SMOC2: variants seen among roughly 807,000 people sequenced by gnomAD.
The protein encoded by SMOC2 is SPARC related modular calcium binding 2, also known as SPARC-related modular calcium-binding protein 2.
Under a neutral mutation model 61.4 loss-of-function variants are expected in SMOC2, and 39 were observed. That is an observed-to-expected ratio of 0.64 (90% confidence interval 0.49 to 0.83). The LOEUF (loss-of-function observed/expected upper bound fraction) is 0.83. SMOC2 is among the 40% of genes least tolerant of loss of function. The pLI, the probability that SMOC2 is intolerant of heterozygous loss-of-function variation, is 0.00. For missense variants in SMOC2, 556 were observed against 592.9 expected, an observed-to-expected ratio of 0.94 and a Z score of 0.65; for synonymous variants, 247 against 239.9, an observed-to-expected ratio of 1.03 and a Z score of -0.27.
At chr6:168,633,348 C>A (rs907404554) in intron 9 of SMOC2, among the ~76,000 whole-genome samples, 1 of 152,138 alleles carries the variant, frequency 6.6e-6, no homozygotes, top group African/African-American at 2.4e-5. Context: ...ATCCCCAGAG[C>A]TCTATAGATG....
chr6:168,459,349 C>T (rs573367993), intron 1 of SMOC2, among the ~76,000 whole-genome samples: 5 of 152,186 alleles, frequency 3.3e-5, no homozygotes, highest in South Asian at 2.1e-4. Flanking sequence ...TCTGGGCCAT[C>T]GGCAGGAAGC....
chr6:168,542,612 C>T (rs1010390025), intron 4 of SMOC2, among the ~76,000 whole-genome samples: 4 of 151,940 alleles, frequency 2.6e-5, no homozygotes, highest in Non-Finnish European at 5.9e-5. Flanking sequence ...TCATAGGAAC[C>T]GTTGACATGT....
intron 6 of SMOC2, among the ~76,000 whole-genome samples, chr6:168,548,380 G>A (rs1223888778): frequency 2.1e-5 from 3 of 143,622 alleles, no homozygotes; most frequent in Non-Finnish European, 3.0e-5. Context: ...GTGAGACAGA[G>A]TTTTGCTTTT....
At chr6:168,450,120 C>T (rs1028943508) in intron 1 of SMOC2, among the ~76,000 whole-genome samples, 1 of 152,188 alleles carries the variant, frequency 6.6e-6, no homozygotes, top group Non-Finnish European at 1.5e-5. Flanking sequence ...GTAGCTTTTA[C>T]TGGTGAATCA....
At chr6:168,609,916 C>T (rs559602867) in intron 9 of SMOC2, among the ~76,000 whole-genome samples, 3 of 152,242 alleles carry the variant, frequency 2.0e-5, no homozygotes, top group Non-Finnish European at 4.4e-5. Context: ...AAGTCAGTTT[C>T]GCTTCTCATT....
At chr6:168,628,586 C>T (rs1786480713) in intron 9 of SMOC2, among the ~76,000 whole-genome samples, 1 of 152,222 alleles carries the variant, frequency 6.6e-6, no homozygotes, top group African/African-American at 2.4e-5. Flanking sequence ...AAACTCGCAG[C>T]ATGTATCCAA....
At position 168,598,903 on chromosome 6, in the gene SMOC2, G is replaced by A. The variant is rs35379353; in HGVS notation, c.723G>A (p.Ala241=). The stretch of plus-strand genomic sequence containing the variant: ...ACAATGTGGTGATCCCTGAGTGTGC[G>A]CACGGCGGCCTCTACAAGCCAGTGC... The part of the protein sequence containing the change: ...KNDNVVIPEC[A]HGGLYKPVQC... The change falls in exon 8 of 13, where the codon GCG becomes GCA. Residue 241 remains alanine, a synonymous_variant. Transcript: ENST00000356284. The A allele has an allele frequency of 6.4e-5, 104 of 1,613,660 alleles. No individual in the cohort carries two copies. The highest frequency in any genetic ancestry group is 1.6e-4 in the African/African-American group (12 of 74,856).
chr6:168,566,320 A>G (rs1784539963), intron 7 of SMOC2, among the ~76,000 whole-genome samples: 1 of 152,164 alleles, frequency 6.6e-6, no homozygotes, highest in Non-Finnish European at 1.5e-5. Context: ...TATACTACAT[A>G]TGAAATACAA....
intron 9 of SMOC2, among the ~76,000 whole-genome samples, chr6:168,624,193 G>A (rs1195398672): frequency 1.3e-5 from 2 of 152,156 alleles, no homozygotes; most frequent in African/African-American, 2.4e-5. Context: ...GTTCATTTAC[G>A]ACTCATGACA....
chr6:168,648,380 T>A (rs1372243233), intron 9 of SMOC2, among the ~76,000 whole-genome samples: 1 of 152,202 alleles, frequency 6.6e-6, no homozygotes, highest in Non-Finnish European at 1.5e-5. Context: ...TGCCCACGTG[T>A]TCCCGAGCCT....
At chr6:168,653,347 T>TA in intron 11 of SMOC2, 119 bp downstream of exon 11, 2 of 1,191,862 alleles carry the variant, frequency 1.7e-6, no homozygotes, top group Non-Finnish European at 2.4e-6. Context: ...AAAAATCAAA[T>TA]ATGCTGTTTA....
At chr6:168,524,588 C>G (rs1485787182) in intron 2 of SMOC2, among the ~76,000 whole-genome samples, 1 of 152,054 alleles carries the variant, frequency 6.6e-6, no homozygotes, top group Non-Finnish European at 1.5e-5. Context: ...CTCGTGGAGA[C>G]CTCGCAAGCT....
At chr6:168,560,219 T>C (rs1450775708) in intron 7 of SMOC2, among the ~76,000 whole-genome samples, 1 of 152,230 alleles carries the variant, frequency 6.6e-6, no homozygotes, top group Non-Finnish European at 1.5e-5. Context: ...TAGACATGGA[T>C]CTCTCTGCTT....
intron 1 of SMOC2, among the ~76,000 whole-genome samples, chr6:168,469,608 C>T (rs540095322): frequency 3.3e-5 from 5 of 152,204 alleles, no homozygotes; most frequent in East Asian, 1.9e-4. Flanking sequence ...CAGGCTTGTA[C>T]GGAAAGCCAA....
chr6:168,585,547 A>G (rs1404307114), intron 7 of SMOC2, among the ~76,000 whole-genome samples: 1 of 152,214 alleles, frequency 6.6e-6, no homozygotes, highest in African/African-American at 2.4e-5. Context: ...TCGTGAGTGC[A>G]TGTTTTCATG....
At chr6:168,601,050 T>C (rs1785540154) in intron 8 of SMOC2, among the ~76,000 whole-genome samples, 1 of 152,268 alleles carries the variant, frequency 6.6e-6, no homozygotes, top group African/African-American at 2.4e-5. Context: ...TCTTAAATGT[T>C]ATCAAATGTA....
intron 7 of SMOC2, among the ~76,000 whole-genome samples, chr6:168,576,967 T>A (rs1784818413): frequency 6.6e-6 from 1 of 152,122 alleles, no homozygotes; most frequent in Non-Finnish European, 1.5e-5. Context: ...TCCTGGAGAT[T>A]TTCCCAGAAG....
intron 9 of SMOC2, among the ~76,000 whole-genome samples, chr6:168,642,043 T>C (rs1171258674): frequency 1.3e-5 from 2 of 152,254 alleles, no homozygotes; most frequent in Admixed American, 6.5e-5. Context: ...GCTTTTTCTT[T>C]AGTGTCTTTT....
At chr6:168,644,570 C>T (rs909622478) in intron 9 of SMOC2, among the ~76,000 whole-genome samples, 1 of 151,812 alleles carries the variant, frequency 6.6e-6, no homozygotes, top group Admixed American at 6.6e-5. Flanking sequence ...ACCTGGTACC[C>T]AGAGCTCTTT....
Sources: gnomAD v4.1 joint callset for allele counts (sites outside exome capture counted in the v4.1 genomes callset) on GRCh38, gnomAD v4.1.1 for gene constraint, MANE v1.5 for transcripts, NCBI Gene and HGNC (gene_info 2026-07-23, HGNC 2026-07-21) for gene names.